CLSTN2: variants seen among roughly 807,000 people sequenced by gnomAD.
The protein encoded by CLSTN2 is calsyntenin 2.
CLSTN2 carries 48 observed loss-of-function variants against 101.2 expected under a neutral mutation model. The ratio of observed to expected loss-of-function variants is 0.47; its 90% CI spans 0.38 to 0.60. The LOEUF (loss-of-function observed/expected upper bound fraction) is 0.60. CLSTN2 is among the 20% of genes least tolerant of loss of function. The pLI is 0.00. For missense variants in CLSTN2, 1,160 were observed against 1,238.2 expected (o/e 0.94, Z 0.95); for synonymous variants, 481 against 463.6 (o/e 1.04, Z -0.48).
At chr3:140,339,467 C>G (rs1290309586) in intron 2 of CLSTN2, among the ~76,000 whole-genome samples, 2 of 152,138 alleles carry the variant, frequency 1.3e-5, no homozygotes, top group African/African-American at 4.8e-5. Context: ...TAGAAGGGCC[C>G]TTCCATCATA....
chr3:140,129,882 G>A (rs547067811), intron 1 of CLSTN2, among the ~76,000 whole-genome samples: 10 of 152,188 alleles, frequency 6.6e-5, no homozygotes, highest in East Asian at 1.9e-4. Context: ...GTCACATGTC[G>A]GAAGACCACT....
intron 2 of CLSTN2, among the ~76,000 whole-genome samples, 175 bp downstream of exon 2, chr3:140,176,248 C>CT (rs1385142345): frequency 1.3e-5 from 2 of 152,128 alleles, no homozygotes; most frequent in African/African-American, 4.8e-5. Flanking sequence ...TCTGGCTGTC[C>CT]TTATGTTTTT....
At chr3:140,534,873 T>C (rs10513120) in intron 9 of CLSTN2, among the ~76,000 whole-genome samples, 6,306 of 152,302 alleles carry the variant, frequency 0.041, 430 homozygotes, top group African/African-American at 0.14. Context: ...TTTGGCTCTC[T>C]TTCCCACGTA....
In CLSTN2 at chr3:139,997,047, CAAAAAAAA is replaced by C. The variant is rs369329154; in HGVS notation, c.109+61576_109+61583del. ...GGGCAACAAGAGCAAGACTCTGTCTCAAAAAAAAAAAAAAAAAAAGAAAAGGAAATACC... is the reference window on the plus strand; with the variant it reads ...GGGCAACAAGAGCAAGACTCTGTCTCAAAAAAAAAAAGAAAAGGAAATACC... On this transcript the variant is annotated intron_variant, in intron 1 of 16. Coordinates refer to ENST00000458420, the MANE Select transcript of CLSTN2 (RefSeq NM_022131.3). Among the ~76,000 whole-genome samples, 136 of 85,018 alleles carry C rather than the reference CAAAAAAAA, an allele frequency of 1.6e-3. 1 individual carries two copies. Among genetic ancestry groups the C allele is most frequent in the African/African-American group, 7.2e-3 (128 of 17,822 alleles). 55.8% of individuals were successfully genotyped at this position (85,018 alleles called of 152,430 possible).
intron 2 of CLSTN2, among the ~76,000 whole-genome samples, chr3:140,240,706 C>G (rs1249638575): frequency 6.6e-6 from 1 of 152,056 alleles, no homozygotes; most frequent in African/African-American, 2.4e-5. Context: ...TTACTCTTGC[C>G]AAAGCAGCAG....
chr3:140,429,104 C>CT, intron 5 of CLSTN2, among the ~76,000 whole-genome samples: 1 of 152,188 alleles, frequency 6.6e-6, no homozygotes, highest in South Asian at 2.1e-4. Flanking sequence ...ATTAGATTAG[C>CT]AGCAACTAAT....
intron 1 of CLSTN2, among the ~76,000 whole-genome samples, chr3:140,019,240 T>C (rs536943915): frequency 6.6e-6 from 1 of 152,378 alleles, no homozygotes; most frequent in Non-Finnish European, 1.5e-5. Flanking sequence ...TGAATGTTTT[T>C]GTGAGGTGTT....
At chr3:140,066,916 A>T (rs1483043271) in intron 1 of CLSTN2, among the ~76,000 whole-genome samples, 1 of 152,144 alleles carries the variant, frequency 6.6e-6, no homozygotes, top group Non-Finnish European at 1.5e-5. Flanking sequence ...TCACGTCTCT[A>T]TGTTAAGGAG....
intron 1 of CLSTN2, among the ~76,000 whole-genome samples, chr3:140,120,795 T>C (rs1168582229): frequency 6.6e-6 from 1 of 152,194 alleles, no homozygotes; most frequent in Non-Finnish European, 1.5e-5. Flanking sequence ...TGTGAAGTGT[T>C]CCCAGTGGGA....
chr3:140,257,406 T>C (rs1317235098), intron 2 of CLSTN2, among the ~76,000 whole-genome samples: 1 of 152,090 alleles, frequency 6.6e-6, no homozygotes, highest in African/African-American at 2.4e-5. Context: ...TAGAGAAAAA[T>C]TGGCTATGGA....
chr3:140,501,053 T>C (rs971326121), intron 8 of CLSTN2, among the ~76,000 whole-genome samples: 2 of 152,304 alleles, frequency 1.3e-5, no homozygotes, highest in East Asian at 1.9e-4. Context: ...CACTGTTTAA[T>C]GGAGCGAATC....
intron 2 of CLSTN2, among the ~76,000 whole-genome samples, chr3:140,368,539 G>T (rs143476519): frequency 6.6e-6 from 1 of 152,148 alleles, no homozygotes; most frequent in Non-Finnish European, 1.5e-5. Context: ...GCCAAGGGGT[G>T]GTATCTATGT....
chr3:140,317,167 AC>A (rs1426317812), intron 2 of CLSTN2, among the ~76,000 whole-genome samples: 1 of 152,178 alleles, frequency 6.6e-6, no homozygotes, highest in East Asian at 1.9e-4. Flanking sequence ...AAACAAAAAA[AC>A]AATCTTCATG....
At chr3:140,393,669 C>T (rs938489714) in intron 2 of CLSTN2, among the ~76,000 whole-genome samples, 1 of 152,078 alleles carries the variant, frequency 6.6e-6, no homozygotes, top group African/African-American at 2.4e-5. Flanking sequence ...AAGAGTTAAC[C>T]AAGGTAGGAT....
intron 1 of CLSTN2, among the ~76,000 whole-genome samples, chr3:140,054,110 G>T (rs2008053413): frequency 6.6e-6 from 1 of 152,136 alleles, no homozygotes; most frequent in Non-Finnish European, 1.5e-5. Context: ...GGTGACCAAA[G>T]GTACTATGGA....
chr3:140,055,521 G>GA (rs1385557998), intron 1 of CLSTN2, among the ~76,000 whole-genome samples: 6 of 152,284 alleles, frequency 3.9e-5, no homozygotes, highest in Admixed American at 2.6e-4. Context: ...CCAACCTGCA[G>GA]GTTAACAAAC....
chr3:140,399,198 A>G (rs1274742867), intron 2 of CLSTN2, among the ~76,000 whole-genome samples: 1 of 152,226 alleles, frequency 6.6e-6, no homozygotes, highest in Non-Finnish European at 1.5e-5. Context: ...GATTTTGAAA[A>G]TGATATCTTT....
At chr3:140,134,448 C>T (rs539709475) in intron 1 of CLSTN2, among the ~76,000 whole-genome samples, 2 of 152,256 alleles carry the variant, frequency 1.3e-5, no homozygotes, top group Admixed American at 6.5e-5. Flanking sequence ...ACCCATCTGG[C>T]CTCCTGGGAA....
At chr3:139,979,959 T>C (rs1393847272) in intron 1 of CLSTN2, among the ~76,000 whole-genome samples, 1 of 151,968 alleles carries the variant, frequency 6.6e-6, no homozygotes, top group African/African-American at 2.4e-5. Flanking sequence ...CTCTTGTCTG[T>C]TTCTCTCACT....
Sources: gnomAD v4.1 joint callset for allele counts (sites outside exome capture counted in the v4.1 genomes callset) on GRCh38, gnomAD v4.1.1 for gene constraint, MANE v1.5 for transcripts, NCBI Gene and HGNC (gene_info 2026-07-23, HGNC 2026-07-21) for gene names.